The following TENM3 variants were observed in gnomAD, a reference collection of about 807,000 sequenced individuals.
TENM3 encodes the protein teneurin-3.
In TENM3, 63 loss-of-function variants were observed where a neutral mutation model predicts 255.1. That is an observed-to-expected ratio of 0.25 (90% CI 0.20 to 0.30). The LOEUF (loss-of-function observed/expected upper bound fraction) is 0.30. TENM3 is among the 10% of genes least tolerant of loss of function. The pLI is 1.00. For missense variants in TENM3, 2,929 were observed against 3,461.1 expected (o/e 0.85, Z 3.86); for synonymous variants, 1,306 against 1,322.3 (o/e 0.99, Z 0.27).
intron 1 of TENM3, among the ~76,000 whole-genome samples, chr4:182,232,435 CAT>C (rs1756639288): frequency 6.6e-6 from 1 of 152,182 alleles, no homozygotes. Context: ...ACATTAAAGA[CAT>C]ATATACGGAC....
intron 1 of TENM3, among the ~76,000 whole-genome samples, chr4:182,189,533 G>T (rs1333884023): frequency 6.6e-6 from 1 of 152,172 alleles, no homozygotes; most frequent in Non-Finnish European, 1.5e-5. Context: ...ATCTGACCTT[G>T]AGACAAGAAG....
chr4:182,457,595 A>G (rs1023231955), intron 3 of TENM3, among the ~76,000 whole-genome samples: 4 of 113,252 alleles, frequency 3.5e-5, no homozygotes, highest in African/African-American at 9.7e-5. Context: ...CCTTGTCTCG[A>G]TACCTAGACT....
At chr4:182,419,151 A>T (rs1055803099) in intron 3 of TENM3, among the ~76,000 whole-genome samples, 5 of 152,246 alleles carry the variant, frequency 3.3e-5, no homozygotes, top group Non-Finnish European at 5.9e-5. Flanking sequence ...CAGACTCTGT[A>T]CTAAATGTGT....
intron 3 of TENM3, among the ~76,000 whole-genome samples, chr4:182,356,250 G>A (rs1014913217): frequency 5.3e-5 from 8 of 152,088 alleles, no homozygotes; most frequent in African/African-American, 1.2e-4. Flanking sequence ...CTGTAGTCCC[G>A]GCACTCAGAA....
At chr4:181,612,490 ATGTGTG>A in the TENM3 span, among the ~76,000 whole-genome samples, 84 of 148,408 alleles carry the variant, frequency 5.7e-4, no homozygotes, top group East Asian at 2.4e-3. Context: ...TTTGGTTAAG[ATGTGTG>A]TGTGTGTGTG....
chr4:181,529,932 A>G, the TENM3 span, among the ~76,000 whole-genome samples: 1 of 152,218 alleles, frequency 6.6e-6, no homozygotes, highest in Admixed American at 6.5e-5. Context: ...GAAAAGACCA[A>G]AGTCATTCCA....
At chr4:181,722,002 G>C in the TENM3 span, among the ~76,000 whole-genome samples, 1 of 152,126 alleles carries the variant, frequency 6.6e-6, no homozygotes, top group African/African-American at 2.4e-5. Flanking sequence ...AATCTAACAG[G>C]ACATAAAAAT....
the TENM3 span, among the ~76,000 whole-genome samples, chr4:181,529,378 A>G: frequency 6.6e-6 from 1 of 152,252 alleles, no homozygotes; most frequent in African/African-American, 2.4e-5. Flanking sequence ...AACAGAAAAC[A>G]GAGAAGGAAG....
the TENM3 span, among the ~76,000 whole-genome samples, chr4:181,472,787 A>G: frequency 2.0e-5 from 3 of 152,214 alleles, no homozygotes; most frequent in Non-Finnish European, 4.4e-5. Context: ...TGCCGGGTTA[A>G]ACCTGGGCTC....
intron 3 of TENM3, among the ~76,000 whole-genome samples, chr4:182,497,498 T>G (rs1298315106): frequency 6.6e-6 from 1 of 152,186 alleles, no homozygotes; most frequent in Non-Finnish European, 1.5e-5. Context: ...ACTAGTTTTC[T>G]AAAAATATGG....
chr4:182,611,611 C>A (rs1037394200), intron 4 of TENM3, among the ~76,000 whole-genome samples: 2 of 151,970 alleles, frequency 1.3e-5, no homozygotes, highest in Non-Finnish European at 2.9e-5. Context: ...GTTAGCAGAC[C>A]TTTAAGCAGT....
At chr4:182,473,500 C>T (rs746779589) in intron 3 of TENM3, among the ~76,000 whole-genome samples, 2 of 152,032 alleles carry the variant, frequency 1.3e-5, no homozygotes, top group Non-Finnish European at 2.9e-5. Flanking sequence ...AGTGAAACCC[C>T]GTCTCTACTA....
At chr4:181,821,114 A>G in the TENM3 span, among the ~76,000 whole-genome samples, 2 of 152,152 alleles carry the variant, frequency 1.3e-5, no homozygotes, top group African/African-American at 2.4e-5. Context: ...CCAGTGCACC[A>G]AAGTCCCTGA....
chr4:182,436,361 G>T (rs1339583355), intron 3 of TENM3, among the ~76,000 whole-genome samples: 1 of 152,170 alleles, frequency 6.6e-6, no homozygotes, highest in African/African-American at 2.4e-5. Flanking sequence ...TGTCTTCGGG[G>T]TCATACTCAC....
the TENM3 span, among the ~76,000 whole-genome samples, chr4:181,538,868 T>G: frequency 6.6e-6 from 1 of 152,212 alleles, no homozygotes. Context: ...AAATCCTGAA[T>G]GAACACAATA....
the TENM3 span, among the ~76,000 whole-genome samples, chr4:181,720,409 A>G: frequency 1.3e-5 from 2 of 152,172 alleles, no homozygotes; most frequent in African/African-American, 4.8e-5. Flanking sequence ...GATGTGTAAG[A>G]GTATTACATT....
chr4:181,552,655 C>T, the TENM3 span, among the ~76,000 whole-genome samples: 1 of 151,992 alleles, frequency 6.6e-6, no homozygotes, highest in African/African-American at 2.4e-5. Context: ...TTCTCAGTTA[C>T]TGGGGGGAAA....
rs540573968 is a variant in TENM3 at position 182,661,873 on chromosome 4, G to A, written c.1111+7980G>A. 9.2e-5 allele frequency among the ~76,000 whole-genome samples: 14 copies of A among 152,166 alleles called. No individual in the cohort carries two copies. The South Asian group carries it at 1.0e-3, about 11-fold the overall frequency. On this transcript the variant is annotated intron_variant, in intron 6 of 27. Transcript: ENST00000511685. ...CAGTGAATTTCTTTTCTGCCTTTCC[G>A]TTTCACTCATTATAGGCTTGTTTAC...
the TENM3 span, among the ~76,000 whole-genome samples, chr4:181,796,521 C>T: frequency 1.5e-4 from 23 of 152,082 alleles, no homozygotes; most frequent in East Asian, 3.5e-3. Context: ...AGGCAGAGGG[C>T]GCAGCACAGA....
Sources: gnomAD v4.1 joint callset for allele counts (sites outside exome capture counted in the v4.1 genomes callset) on GRCh38, gnomAD v4.1.1 for gene constraint, MANE v1.5 for transcripts, NCBI Gene and HGNC (gene_info 2026-07-23, HGNC 2026-07-21) for gene names.